Variants in SLC9A9 observed in about 807,000 individuals in gnomAD.
SLC9A9 encodes the protein solute carrier family 9 member A9.
In SLC9A9, 62 loss-of-function variants were observed where a neutral mutation model predicts 77.8. The ratio of observed to expected loss-of-function variants is 0.80; its 90% confidence interval spans 0.65 to 0.98. The LOEUF is 0.98. Ranked by LOEUF, SLC9A9 falls within the 50% of genes least tolerant of loss-of-function variation. The pLI, the probability that SLC9A9 is intolerant of heterozygous loss-of-function variation, is 0.00. For synonymous variants in SLC9A9, 320 were observed against 283.5 expected, an observed-to-expected ratio of 1.13 and a Z score of -1.29; for missense variants, 775 against 774.9, an observed-to-expected ratio of 1.00 and a Z score of 0.00.
At chr3:143,315,567 C>T (rs994291672) in intron 14 of SLC9A9, among the ~76,000 whole-genome samples, 5 of 152,202 alleles carry the variant, frequency 3.3e-5, no homozygotes, top group African/African-American at 1.2e-4. Context: ...CCAACAAGAA[C>T]TGGAAGATGC....
At chr3:143,453,695 T>C (rs1205120037) in intron 12 of SLC9A9, among the ~76,000 whole-genome samples, 1 of 152,192 alleles carries the variant, frequency 6.6e-6, no homozygotes, top group Non-Finnish European at 1.5e-5. Flanking sequence ...GACATTAACA[T>C]GTATCTTTTC....
Position 143,794,998 on chromosome 3 carries a change from T to TA in SLC9A9, c.533+2dup. 6.2e-7 allele frequency: 1 copy of TA among 1,613,784 alleles called. No individual in the cohort carries two copies. Among genetic ancestry groups the TA allele is most frequent in the South Asian group, 1.1e-5 (1 of 91,054 alleles). On this transcript the variant is annotated splice_region_variant and intron_variant, in intron 4 of 15. Coordinates refer to ENST00000316549, the MANE Select transcript of SLC9A9 (RefSeq NM_173653.4). ...TGCAACTTGAGCTCCGAATGTCACT[T>TA]ACCCTATGACGATGCAGGAGATGGC...
At chr3:143,672,977 C>T (rs1299155544) in intron 5 of SLC9A9, among the ~76,000 whole-genome samples, 3 of 152,134 alleles carry the variant, frequency 2.0e-5, no homozygotes, top group East Asian at 1.9e-4. Flanking sequence ...TAGAAAGGGG[C>T]TTCAGATTAT....
intron 15 of SLC9A9, among the ~76,000 whole-genome samples, chr3:143,267,875 T>C (rs777927112): frequency 7.2e-5 from 11 of 152,230 alleles, no homozygotes; most frequent in Admixed American, 1.3e-4. Context: ...ACTTGTAGAA[T>C]GGGCCCTTGC....
intron 9 of SLC9A9, among the ~76,000 whole-genome samples, chr3:143,508,418 C>A (rs73010809): frequency 0.02 from 2,978 of 152,278 alleles, 94 homozygotes; most frequent in African/African-American, 0.066. Context: ...AACACAAAAC[C>A]CTAGAATCAA....
At chr3:143,581,755 T>C (rs1002555458) in intron 6 of SLC9A9, among the ~76,000 whole-genome samples, 1 of 152,152 alleles carries the variant, frequency 6.6e-6, no homozygotes, top group Non-Finnish European at 1.5e-5. Flanking sequence ...ACTAGAACAT[T>C]TATTTTCATG....
intron 4 of SLC9A9, among the ~76,000 whole-genome samples, chr3:143,706,950 A>G (rs1053998044): frequency 5.9e-5 from 9 of 152,200 alleles, no homozygotes; most frequent in Non-Finnish European, 1.3e-4. Flanking sequence ...GCTGCCTCCA[A>G]TTTTTGGTCC....
intron 5 of SLC9A9, among the ~76,000 whole-genome samples, chr3:143,661,286 T>A (rs941349538): frequency 1.3e-5 from 2 of 152,218 alleles, no homozygotes; most frequent in African/African-American, 4.8e-5. Flanking sequence ...TGTGCACTAT[T>A]TTTAGAATTA....
chr3:143,637,128 T>G (rs1366865392), intron 6 of SLC9A9, among the ~76,000 whole-genome samples: 1 of 152,208 alleles, frequency 6.6e-6, no homozygotes, highest in Non-Finnish European at 1.5e-5. Context: ...TGATGGATCT[T>G]ATCCAAAATG....
intron 5 of SLC9A9, among the ~76,000 whole-genome samples, chr3:143,673,989 T>C (rs537210898): frequency 6.6e-6 from 1 of 152,306 alleles, no homozygotes; most frequent in South Asian, 2.1e-4. Flanking sequence ...GGAAATTTTA[T>C]GTTCAGGAAT....
intron 9 of SLC9A9, among the ~76,000 whole-genome samples, chr3:143,510,034 G>C (rs2036089895): frequency 6.6e-6 from 1 of 152,096 alleles, no homozygotes; most frequent in Non-Finnish European, 1.5e-5. Flanking sequence ...ACTTTAAATT[G>C]ATATTTGTAA....
intron 5 of SLC9A9, among the ~76,000 whole-genome samples, chr3:143,663,312 C>A (rs1438691623): frequency 6.6e-6 from 1 of 152,162 alleles, no homozygotes; most frequent in Admixed American, 6.5e-5. Flanking sequence ...ATCTGTAGGT[C>A]CCCATCATCA....
At chr3:143,766,799 C>G (rs1233926197) in intron 4 of SLC9A9, among the ~76,000 whole-genome samples, 1 of 152,154 alleles carries the variant, frequency 6.6e-6, no homozygotes, top group Non-Finnish European at 1.5e-5. Flanking sequence ...GTCTAGAACT[C>G]CTGACCTCAG....
intron 2 of SLC9A9, among the ~76,000 whole-genome samples, chr3:143,822,408 C>T (rs571767729): frequency 1.2e-4 from 18 of 152,280 alleles, no homozygotes; most frequent in Admixed American, 3.9e-4. Flanking sequence ...GGGCAGAACT[C>T]GATAAATCAG....
At chr3:143,601,393 T>G (rs1576602944) in intron 6 of SLC9A9, among the ~76,000 whole-genome samples, 2 of 152,244 alleles carry the variant, frequency 1.3e-5, no homozygotes, top group East Asian at 3.9e-4. Flanking sequence ...TCTGCATTTC[T>G]TCATATTCCC....
intron 13 of SLC9A9, among the ~76,000 whole-genome samples, chr3:143,368,095 T>A (rs1604378): frequency 0.61 from 92,774 of 152,056 alleles, 28,657 homozygotes; most frequent in African/African-American, 0.64. Context: ...TCTTTTATTA[T>A]CCTCTGTTTT....
At chr3:143,829,254 T>C (rs556365516) in intron 2 of SLC9A9, among the ~76,000 whole-genome samples, 1 of 152,218 alleles carries the variant, frequency 6.6e-6, no homozygotes, top group East Asian at 1.9e-4. Context: ...CCCTACAAAC[T>C]TCATATTCTT....
intron 5 of SLC9A9, among the ~76,000 whole-genome samples, chr3:143,666,388 G>A (rs187422027): frequency 1.3e-3 from 203 of 152,192 alleles, no homozygotes; most frequent in African/African-American, 2.1e-3. Context: ...ATACTGAATC[G>A]GCAAAAACTG....
At chr3:143,649,309 G>A (rs1442407606) in intron 6 of SLC9A9, among the ~76,000 whole-genome samples, 2 of 152,186 alleles carry the variant, frequency 1.3e-5, no homozygotes, top group East Asian at 3.8e-4. Context: ...ATACATGTTT[G>A]AGCATGACAT....
Sources: gnomAD v4.1 joint callset for allele counts (sites outside exome capture counted in the v4.1 genomes callset) on GRCh38, gnomAD v4.1.1 for gene constraint, MANE v1.5 for transcripts, NCBI Gene and HGNC (gene_info 2026-07-23, HGNC 2026-07-21) for gene names.